INO80: variants seen among roughly 807,000 people sequenced by gnomAD.
The protein encoded by INO80 is INO80 complex ATPase subunit.
In INO80, 20 loss-of-function variants were observed where a neutral mutation model predicts 203.4. That is an observed-to-expected ratio of 0.10 (90% CI 0.07 to 0.14). INO80 has a LOEUF of 0.14. INO80 is among the 10% of genes least tolerant of loss of function. The pLI is 1.00. For synonymous variants in INO80, 726 were observed against 685.2 expected, an observed-to-expected ratio of 1.06 and a Z score of -0.93; for missense variants, 1,419 against 1,914.4, an observed-to-expected ratio of 0.74 and a Z score of 4.83.
chr15:40,980,140 C>T lies in INO80; in HGVS notation c.*83G>A. On this transcript the variant is annotated 3_prime_UTR_variant, in exon 36 of 36. Coordinates refer to ENST00000648947, the MANE Select transcript of INO80 (RefSeq NM_017553.3). ...TTCTGACTCAGGATGCAAGATGCTG[C>T]ACGGGGCAAGCCATCCAAAGACCAC... 4 of 1,081,148 alleles carry T rather than the reference C, an allele frequency of 3.7e-6. No homozygotes were observed. The highest frequency in any genetic ancestry group is 4.2e-6 in the Non-Finnish European group (3 of 715,824). 67.0% of individuals were successfully genotyped at this position (1,081,148 alleles called of 1,614,324 possible).
rs34106971 is a variant in INO80, at chr15:41,032,013, C to G, written c.2908-4277G>C. Among the ~76,000 whole-genome samples, 614 of 62,364 alleles carry G rather than the reference C, an allele frequency of 9.8e-3. 12 individuals carry two copies. Among genetic ancestry groups the G allele is most frequent in the Middle Eastern group, 0.024 (3 of 126 alleles). 40.9% of individuals were successfully genotyped at this position (62,364 alleles called of 152,430 possible). A position where few individuals can be genotyped will look rare whatever the true frequency, so the allele number is the denominator to read the frequency against. On this transcript the variant is annotated intron_variant, in intron 24 of 35. Coordinates refer to ENST00000648947, the MANE Select transcript of INO80 (RefSeq NM_017553.3). ...CACAGCACAGGACAGCACAGCACAG[C>G]ACAGCACAGCACAGCACAGCACAGC... is the stretch of plus-strand genomic sequence containing the variant.
At chr15:41,075,347 C>T (rs1335783850) in intron 9 of INO80, among the ~76,000 whole-genome samples, 1 of 151,626 alleles carries the variant, frequency 6.6e-6, no homozygotes, top group Non-Finnish European at 1.5e-5. Context: ...CTGAGCCTCA[C>T]CGTAACCTCT....
intron 25 of INO80, among the ~76,000 whole-genome samples, chr15:41,023,893 T>C (rs187770519): frequency 6.6e-6 from 1 of 151,680 alleles, no homozygotes; most frequent in East Asian, 1.9e-4. Flanking sequence ...TATTTATTTA[T>C]TTATTTTGTA....
intron 24 of INO80, among the ~76,000 whole-genome samples, chr15:41,033,337 AT>A (rs552646852): frequency 0.068 from 9,403 of 138,820 alleles, 627 homozygotes; most frequent in African/African-American, 0.21. Context: ...CTGAATCAGA[AT>A]TTTTTTTTTT....
intron 14 of INO80, among the ~76,000 whole-genome samples, chr15:41,067,923 T>C (rs910494657): frequency 1.3e-5 from 2 of 152,258 alleles, no homozygotes; most frequent in African/African-American, 2.4e-5. Context: ...CTATTCATTC[T>C]TTCTTAAATT....
At position 41,027,614 on chromosome 15, in the gene INO80, C is replaced by T. The variant is rs780384198; in HGVS notation, c.3030G>A (p.Leu1010=). 19 of 1,612,532 alleles carry T rather than the reference C, an allele frequency of 1.2e-5. No homozygotes were observed. In the African/African-American group the frequency reaches 2.1e-4, roughly 18 times the overall value. ...CACTTACTCGTGGACTGGCCACACACAAAAAAGATGGCAGCTCAGTGAGCA... is the reference window on the plus strand; with the variant it reads ...CACTTACTCGTGGACTGGCCACACATAAAAAAGATGGCAGCTCAGTGAGCA... ...RCLLTELPSF[L]CVASPRVTAV... The change falls in exon 25 of 36, where the codon TTG becomes TTA. Residue 1010 remains leucine (L), a synonymous_variant. Transcript: ENST00000648947.
rs35197370 is a variant in INO80 at position 41,057,797 on chromosome 15, C to CAAA, written c.1985+839_1985+841dup. Among the ~76,000 whole-genome samples, 141 of 29,248 alleles carry CAAA rather than the reference C, an allele frequency of 4.8e-3. 2 individuals are homozygous for CAAA. In the East Asian group the frequency reaches 0.1, roughly 21 times the overall value. 19.2% of individuals were successfully genotyped at this position (29,248 alleles called of 152,430 possible). A position where few individuals can be genotyped will look rare whatever the true frequency, so the allele number is the denominator to read the frequency against. The stretch of plus-strand genomic sequence containing the variant: ...GGGCAACAAGAGTGAAACTACATCT[C>CAAA]AAAAAAAAAAAAAAAAAAAAAAAGA... On this transcript the variant is annotated intron_variant, in intron 16 of 35. Transcript: ENST00000648947.
intron 27 of INO80, among the ~76,000 whole-genome samples, chr15:41,007,205 A>T: frequency 8.6e-6 from 1 of 116,458 alleles, no homozygotes. Flanking sequence ...TTTTTTTTAG[A>T]CACTGTCTTG....
rs1566919752 is a variant in INO80 at position 41,032,063 on chromosome 15, GACAGCACAGGACAGCACAGC to G, written c.2908-4347_2908-4328del. ...CACAGCACAGCACAGCACAGCACAG[GACAGCACAGGACAGCACAGC>G]ACAGCACAGCACAGCACAGCACAGC... is the stretch of plus-strand genomic sequence containing the variant. On this transcript the variant is annotated intron_variant, in intron 24 of 35. Coordinates refer to ENST00000648947, the MANE Select transcript of INO80 (RefSeq NM_017553.3). Among the ~76,000 whole-genome samples, 241 of 58,948 alleles carry G rather than the reference GACAGCACAGGACAGCACAGC, an allele frequency of 4.1e-3. 8 individuals carry two copies. Among genetic ancestry groups the G allele is most frequent in the African/African-American group, 0.013 (231 of 17,340 alleles). The allele number at this position is 58,948 out of a possible 152,430, so 38.7% of individuals were successfully genotyped here. A position where few individuals can be genotyped will look rare whatever the true frequency, so the allele number is the denominator to read the frequency against.
chr15:41,034,691 C>T (rs1051064296), intron 24 of INO80, among the ~76,000 whole-genome samples: 1 of 152,112 alleles, frequency 6.6e-6, no homozygotes, highest in African/African-American at 2.4e-5. Context: ...ATTTGAATTT[C>T]GTAAGAAAAA....
chr15:41,081,025 G>A lies in INO80; in HGVS notation c.922C>T (p.Arg308Ter). ...ATACAAAACTACAATTTTACCTTTC[G>A]GCTATTGGTGAGAAACAGGTTACGA... is the stretch of plus-strand genomic sequence containing the variant. Reference protein sequence around the residue: ...SARNLFLTNSRKLAHQCMKEV... With the variant: ...SARNLFLTNS Residue 308 changes from arginine to a stop codon, truncating the protein, a stop_gained, in exon 8 of 36, where the codon CGA (arginine) becomes TGA (stop). Transcript: ENST00000648947. LOFTEE classifies it high-confidence loss of function. The A allele has an allele frequency of 6.3e-7, 1 of 1,591,234 alleles. No individual in the cohort carries two copies. Among genetic ancestry groups the A allele is most frequent in the Non-Finnish European group, 8.6e-7 (1 of 1,160,296 alleles).
In INO80 at chr15:41,108,312, G is replaced by A. The variant is rs201946811; in HGVS notation, c.-44+7661C>T. ...TCCATTGAAAAGCCACAGATAGGCC[G>A]GGCGTGGTGGCTCACACCTGTAATC... On this transcript the variant is annotated intron_variant, in intron 1 of 35. Transcript: ENST00000648947. 7.2e-5 allele frequency among the ~76,000 whole-genome samples: 11 copies of A among 152,106 alleles called. No homozygotes were observed. In the South Asian group the frequency reaches 1.5e-3, roughly 20 times the overall value.
rs931037414 is a variant in INO80 at position 40,984,218 on chromosome 15, G to A, written c.4056C>T (p.Ala1352=). 3 of 1,613,484 alleles carry A rather than the reference G, an allele frequency of 1.9e-6. No individual in the cohort carries two copies. Among genetic ancestry groups the A allele is most frequent in the Non-Finnish European group, 2.5e-6 (3 of 1,179,764 alleles). The change falls in exon 33 of 36, where the codon GCC becomes GCT. Residue 1352 remains alanine, a synonymous_variant. Coordinates refer to ENST00000648947, the MANE Select transcript of INO80 (RefSeq NM_017553.3). ...GDDSFISVDS[A]MPSPFSEISI... The stretch of plus-strand genomic sequence containing the variant: ...TCACCTCACTGAAAGGGCTTGGCAT[G>A]GCTGAGTCCACGCTAATGAAGGAGT...
At chr15:41,030,215 A>G (rs1378279106) in intron 24 of INO80, among the ~76,000 whole-genome samples, 2 of 152,226 alleles carry the variant, frequency 1.3e-5, no homozygotes, top group African/African-American at 4.8e-5. Flanking sequence ...TCTTCTCTTC[A>G]GCACTGTAGT....
intron 24 of INO80, among the ~76,000 whole-genome samples, chr15:41,029,633 T>C (rs1333300920): frequency 6.6e-6 from 1 of 152,238 alleles, no homozygotes; most frequent in Non-Finnish European, 1.5e-5. Flanking sequence ...TTCAATAACA[T>C]CTGTGTTCCC....
intron 16 of INO80, among the ~76,000 whole-genome samples, chr15:41,057,817 A>AAAAAAAAG (rs1555403662): frequency 3.8e-4 from 52 of 138,554 alleles, no homozygotes; most frequent in African/African-American, 1.4e-3. Flanking sequence ...AAAAAAAAAA[A>AAAAAAAAG]AAAGAAAGAA....
At chr15:41,035,045 T>C (rs1438989877) in intron 24 of INO80, among the ~76,000 whole-genome samples, 1 of 152,228 alleles carries the variant, frequency 6.6e-6, no homozygotes, top group African/African-American at 2.4e-5. Context: ...TATTATACTA[T>C]AGTTACTATC....
At chr15:41,075,414 G>A (rs562885760) in intron 9 of INO80, among the ~76,000 whole-genome samples, 26 of 151,990 alleles carry the variant, frequency 1.7e-4, no homozygotes, top group African/African-American at 5.8e-4. Context: ...TGGGACTATA[G>A]GCGTCCACCA....
chr15:41,043,592 G>A (rs1379095311), intron 24 of INO80, among the ~76,000 whole-genome samples: 1 of 152,170 alleles, frequency 6.6e-6, no homozygotes, highest in Non-Finnish European at 1.5e-5. Context: ...TACTGAATGA[G>A]CTAGCCAAAG....
Sources: gnomAD v4.1 joint callset for allele counts (sites outside exome capture counted in the v4.1 genomes callset) on GRCh38, gnomAD v4.1.1 for gene constraint, MANE v1.5 for transcripts, NCBI Gene and HGNC (gene_info 2026-07-23, HGNC 2026-07-21) for gene names.